Variants in COPA observed in about 807,000 individuals in gnomAD.
The protein encoded by COPA is coatomer subunit alpha.
In COPA, 10 loss-of-function variants were observed where a neutral mutation model predicts 158.7. The observed-to-expected ratio is 0.06, with a 90% CI of 0.04 to 0.11. The LOEUF (loss-of-function observed/expected upper bound fraction) is 0.11, where lower values mean the gene tolerates loss of function less well. COPA is among the 10% of genes least tolerant of loss of function. The pLI, the probability that COPA is intolerant of heterozygous loss-of-function variation, is 1.00. For missense variants in COPA, 1,065 were observed against 1,536.7 expected, an observed-to-expected ratio of 0.69 and a Z score of 5.13; for synonymous variants, 462 against 542.8, an observed-to-expected ratio of 0.85 and a Z score of 2.07.
At chr1:160,294,943 C>T (rs1056499697) in intron 23 of COPA, 86 bp from the exon 24 acceptor site, 1 of 1,082,488 alleles carries the variant, frequency 9.2e-7, no homozygotes. Context: ...TAAATCCTTT[C>T]AAAAACAGGT....
At chr1:160,316,167 G>A (rs1033574256) in intron 8 of COPA, among the ~76,000 whole-genome samples, 2 of 152,006 alleles carry the variant, frequency 1.3e-5, no homozygotes, top group Admixed American at 1.3e-4. Context: ...AGACCAGCCT[G>A]GCCGACATAG....
rs777500215 is a variant in COPA at position 160,335,332 on chromosome 1, C to G, written c.229-10G>C. The G allele has an allele frequency of 1.2e-6, 2 of 1,604,938 alleles. No individual in the cohort carries two copies. Among genetic ancestry groups the G allele is most frequent in the Admixed American group, 1.7e-5 (1 of 58,886 alleles). Reference sequence around the variant, plus strand: ...GCTTGTAATTCCAAACCTGCAAAGACAAATCAAACTAAGAAACAGAAATAG... The same window carrying G: ...GCTTGTAATTCCAAACCTGCAAAGAGAAATCAAACTAAGAAACAGAAATAG... On this transcript the variant is annotated splice_polypyrimidine_tract_variant and intron_variant, in intron 3 of 32. Transcript: ENST00000241704.
intron 26 of COPA, 54 bp from the exon 27 acceptor site, chr1:160,293,288 C>T: frequency 1.2e-6 from 2 of 1,612,410 alleles, no homozygotes; most frequent in Non-Finnish European, 1.7e-6. Context: ...CTTCTCTATT[C>T]TCCTCTGTAA....
At chr1:160,330,134 A>G (rs888505686) in intron 6 of COPA, among the ~76,000 whole-genome samples, 1 of 152,174 alleles carries the variant, frequency 6.6e-6, no homozygotes, top group Admixed American at 6.5e-5. Context: ...CCCCCAAAAA[A>G]AAATTGCCCC....
chr1:160,333,402 A>T lies in COPA; in HGVS notation c.386+201T>A, dbSNP rs1647619879. The T allele has an allele frequency of 8.8e-6, 4 of 453,556 alleles. No individual in the cohort carries two copies. In the South Asian group the frequency reaches 1.8e-4, roughly 20 times the overall value. The allele number at this position is 453,556 out of a possible 1,614,324, so 28.1% of individuals were successfully genotyped here. A position where few individuals can be genotyped will look rare whatever the true frequency, so the allele number is the denominator to read the frequency against. Reference sequence around the variant, plus strand: ...TATATGACTTCTCTTCCTGGTAAGAAATTATTGGAAGTCCAGATTCATATA... The same window carrying T: ...TATATGACTTCTCTTCCTGGTAAGATATTATTGGAAGTCCAGATTCATATA... On this transcript the variant is annotated intron_variant, in intron 5 of 32. Coordinates refer to ENST00000241704, the MANE Select transcript of COPA (RefSeq NM_004371.4).
chr1:160,291,762 T>C (rs1469916937), intron 30 of COPA, 57 bp downstream of exon 30: 33 of 1,539,606 alleles, frequency 2.1e-5, no homozygotes, highest in Non-Finnish European at 2.9e-5. Flanking sequence ...AATTCAAACC[T>C]AGTGAAGGGT....
Position 160,290,656 on chromosome 1 carries a change from T to C in COPA, c.3451A>G (p.Asn1151Asp). The change falls in exon 32 of 33, where the codon AAT (asparagine) becomes GAT (aspartate). Residue 1151 changes from asparagine (N) to aspartate (D), a missense_variant. Around this residue, in one of 2 missense-constraint regions of COPA, gnomAD observed 980 missense variants for 1,357.8 expected, o/e 0.72. Transcript: ENST00000241704. ...TRKILSACEK[N>D]PTDAYQLNYD... ...TTGAGCTGGTAGGCATCTGTGGGATTCTTCTCACAGGCAGACAGGATTTTT... is the reference window on the plus strand; with the variant it reads ...TTGAGCTGGTAGGCATCTGTGGGATCCTTCTCACAGGCAGACAGGATTTTT... 1 of 1,614,158 alleles carries C rather than the reference T, an allele frequency of 6.2e-7. No homozygotes were observed. The highest frequency in any genetic ancestry group is 8.5e-7 in the Non-Finnish European group (1 of 1,180,036).
chr1:160,291,586 A>T, intron 30 of COPA, 90 bp from the exon 31 acceptor site: 1 of 1,464,234 alleles, frequency 6.8e-7, no homozygotes, highest in Admixed American at 2.0e-5. Flanking sequence ...AAAAAACACA[A>T]CACAAAATAG....
At chr1:160,309,040 G>A (rs768371392) in intron 13 of COPA, 61 bp downstream of exon 13, 5 of 1,316,376 alleles carry the variant, frequency 3.8e-6, no homozygotes, top group Non-Finnish European at 5.5e-6. Context: ...ACTTGAAGAG[G>A]AGTTATGATG....
rs1309604327 is a variant in COPA at position 160,339,892 on chromosome 1, T to G, written c.228+17A>C. ...ATCCTCTTTCCTTTATTCTCAGTTA[T>G]GACAGACCCTCTGTACCTTAATCTT... is the stretch of plus-strand genomic sequence containing the variant. On this transcript the variant is annotated intron_variant, in intron 3 of 32. Transcript: ENST00000241704. 1.9e-6 allele frequency: 3 copies of G among 1,607,630 alleles called. No homozygotes were observed. The Admixed American group carries it at 5.0e-5, about 27-fold the overall frequency.
intron 5 of COPA, 146 bp downstream of exon 5, chr1:160,333,457 A>G: frequency 1.9e-6 from 1 of 536,936 alleles, no homozygotes. Flanking sequence ...ATTATTTTGC[A>G]CTTAAAAGCA....
intron 8 of COPA, chr1:160,317,545 G>T: frequency 1.1e-5 from 18 of 1,607,302 alleles, no homozygotes; most frequent in Non-Finnish European, 1.5e-5. Context: ...GAAACTCAAA[G>T]AATCATACTG....
At position 160,340,253 on chromosome 1, in the gene COPA, A is replaced by T; in HGVS notation, c.82T>A (p.Leu28Ile). 1 of 1,613,744 alleles carries T rather than the reference A, an allele frequency of 6.2e-7. No homozygotes were observed. The highest frequency in any genetic ancestry group is 8.5e-7 in the Non-Finnish European group (1 of 1,179,928). ...HPKRPWILTS[L>I]HNGVIQLWDY... Reference sequence around the variant, plus strand: ...CATAACTGGATGACCCCATTATGTAAACTAGTCAGGATCCAAGGTCTTTTG... The same window carrying T: ...CATAACTGGATGACCCCATTATGTATACTAGTCAGGATCCAAGGTCTTTTG... The change falls in exon 2 of 33, where the codon TTA (leucine) becomes ATA (isoleucine). Residue 28 changes from leucine to isoleucine, a missense_variant. Physicochemically the swap from Leu to Ile is conservative, Grantham distance 5. Transcript: ENST00000241704.
At chr1:160,311,012 C>G (rs558549323) in intron 11 of COPA, among the ~76,000 whole-genome samples, 10 of 152,320 alleles carry the variant, frequency 6.6e-5, no homozygotes, top group African/African-American at 2.4e-4. Context: ...AGGTCACTAG[C>G]ATTCTCAAGA....
At chr1:160,325,901 G>T (rs577407752) in intron 6 of COPA, among the ~76,000 whole-genome samples, 1 of 152,220 alleles carries the variant, frequency 6.6e-6, no homozygotes, top group Non-Finnish European at 1.5e-5. Context: ...CTAGAGGAGG[G>T]TAACCCAAAT....
intron 4 of COPA, among the ~76,000 whole-genome samples, chr1:160,334,911 T>C (rs1647691278): frequency 6.6e-6 from 1 of 152,212 alleles, no homozygotes; most frequent in Admixed American, 6.5e-5. Flanking sequence ...CAGACACACC[T>C]ACTACTTACT....
chr1:160,294,124 G>GT (rs1658327346), intron 25 of COPA, among the ~76,000 whole-genome samples: 2 of 152,110 alleles, frequency 1.3e-5, no homozygotes, highest in Non-Finnish European at 2.9e-5. Context: ...GAAGTGACAA[G>GT]GCCACTAACT....
intron 7 of COPA, among the ~76,000 whole-genome samples, chr1:160,323,831 A>G (rs914888777): frequency 1.3e-5 from 2 of 152,200 alleles, no homozygotes; most frequent in Non-Finnish European, 2.9e-5. Flanking sequence ...TTCTACAAAT[A>G]ATTATTAATA....
chr1:160,317,633 A>G (rs1659190502), intron 8 of COPA: 2 of 1,538,544 alleles, frequency 1.3e-6, no homozygotes, highest in Non-Finnish European at 1.8e-6. Context: ...CATACTCCAA[A>G]AGAACTGGGA....
Sources: gnomAD v4.1 joint callset for allele counts (sites outside exome capture counted in the v4.1 genomes callset) on GRCh38, gnomAD v4.1.1 for gene constraint, gnomAD v4.1.1 regional missense constraint, MANE v1.5 for transcripts, NCBI Gene and HGNC (gene_info 2026-07-23, HGNC 2026-07-21) for gene names.